ERP44: variants seen among roughly 807,000 people sequenced by gnomAD.
ERP44 encodes the protein endoplasmic reticulum protein 44.
Under a neutral mutation model 53.4 loss-of-function variants are expected in ERP44, and 25 were observed. The observed-to-expected ratio is 0.47, with a 90% CI of 0.34 to 0.65. The LOEUF (loss-of-function observed/expected upper bound fraction) is 0.65. Ranked by LOEUF, ERP44 falls within the 30% of genes least tolerant of loss-of-function variation. The probability of loss-of-function intolerance (pLI) is 0.01; values close to 1 mark genes in which losing one functional copy is unlikely to be tolerated. For missense variants in ERP44, 338 were observed against 493.2 expected (o/e 0.69, Z 2.98); for synonymous variants, 145 against 161.2 (o/e 0.90, Z 0.76).
At chr9:100,015,641 T>C (rs973547426) in intron 8 of ERP44, among the ~76,000 whole-genome samples, 4 of 152,214 alleles carry the variant, frequency 2.6e-5, no homozygotes, top group African/African-American at 9.6e-5. Context: ...ATTCATTGTA[T>C]AGAAATAATT....
At chr9:100,038,930 T>A in intron 4 of ERP44, among the ~76,000 whole-genome samples, 1 of 152,058 alleles carries the variant, frequency 6.6e-6, no homozygotes, top group Non-Finnish European at 1.5e-5. Context: ...GACAAATGGG[T>A]CAATTCAGCA....
intron 8 of ERP44, among the ~76,000 whole-genome samples, chr9:100,014,263 G>C (rs1830506397): frequency 6.6e-6 from 1 of 152,094 alleles, no homozygotes; most frequent in Non-Finnish European, 1.5e-5. Context: ...AGCTAAAATT[G>C]GTCTTTAGTT....
intron 1 of ERP44, among the ~76,000 whole-genome samples, chr9:100,074,209 T>C (rs1826333267): frequency 6.6e-6 from 1 of 151,790 alleles, no homozygotes; most frequent in Admixed American, 6.6e-5. Flanking sequence ...ATCACAGGAG[T>C]CCCCAAACCC....
At chr9:100,038,700 CTGGTGTAA>C (rs1280635184) in intron 4 of ERP44, among the ~76,000 whole-genome samples, 11 of 151,958 alleles carry the variant, frequency 7.2e-5, no homozygotes. Context: ...AAGACACAGA[CTGGTGTAA>C]TGGATTTAAA....
intron 4 of ERP44, among the ~76,000 whole-genome samples, chr9:100,037,186 C>G (rs1245022571): frequency 6.6e-6 from 1 of 152,162 alleles, no homozygotes; most frequent in East Asian, 1.9e-4. Flanking sequence ...AAGGAGAGCA[C>G]AGCAATTGTG....
At chr9:100,069,339 GAA>G (rs1826274287) in intron 1 of ERP44, among the ~76,000 whole-genome samples, 1 of 46,778 alleles carries the variant, frequency 2.1e-5, no homozygotes, top group Non-Finnish European at 5.0e-5. Flanking sequence ...AAAAAGAAAA[GAA>G]GCATTTATAT....
chr9:100,087,475 C>G (rs1357391829), intron 1 of ERP44, among the ~76,000 whole-genome samples: 1 of 152,210 alleles, frequency 6.6e-6, no homozygotes, highest in Non-Finnish European at 1.5e-5. Flanking sequence ...TTCATTCACT[C>G]AGTCCCTCAT....
chr9:99,987,040 T>C (rs1795253159), intron 10 of ERP44, among the ~76,000 whole-genome samples: 1 of 152,230 alleles, frequency 6.6e-6, no homozygotes. Flanking sequence ...AGTCAAGAAA[T>C]AATTTATGAT....
chr9:99,990,590 G>A (rs1830242992), intron 10 of ERP44, among the ~76,000 whole-genome samples: 1 of 152,184 alleles, frequency 6.6e-6, no homozygotes, highest in African/African-American at 2.4e-5. Flanking sequence ...TTGATGCTAG[G>A]AAGAAACTGC....
intron 10 of ERP44, among the ~76,000 whole-genome samples, chr9:100,003,688 G>T (rs112320236): frequency 2.8e-4 from 42 of 152,172 alleles, no homozygotes; most frequent in African/African-American, 9.6e-4. Context: ...CTGAAGCCTG[G>T]GTCCACTAGA....
intron 4 of ERP44, among the ~76,000 whole-genome samples, chr9:100,041,303 T>TA (rs76504492): frequency 5.2e-4 from 78 of 150,520 alleles, no homozygotes; most frequent in Middle Eastern, 3.5e-3. Flanking sequence ...TTTTTTGCCA[T>TA]AAAAAAAAAA....
At chr9:100,074,243 C>T (rs928575031) in intron 1 of ERP44, among the ~76,000 whole-genome samples, 4 of 152,148 alleles carry the variant, frequency 2.6e-5, no homozygotes, top group African/African-American at 4.8e-5. Flanking sequence ...AGTACTAGTC[C>T]GCAGTTTCAT....
intron 1 of ERP44, among the ~76,000 whole-genome samples, chr9:100,093,643 T>C (rs4743385): frequency 2.0e-5 from 3 of 150,586 alleles, no homozygotes; most frequent in South Asian, 2.1e-4. Flanking sequence ...ACCCTGTCTG[T>C]GGGGGGGGAA....
chr9:100,014,353 T>C (rs925271342), intron 8 of ERP44, among the ~76,000 whole-genome samples: 5 of 152,178 alleles, frequency 3.3e-5, no homozygotes, highest in Non-Finnish European at 4.4e-5. Context: ...TGGTGGATCC[T>C]GGCTCACTGC....
chr9:99,994,591 C>T (rs1232298104), intron 10 of ERP44, among the ~76,000 whole-genome samples: 2 of 152,028 alleles, frequency 1.3e-5, no homozygotes, highest in African/African-American at 2.4e-5. Context: ...ACATGGCATA[C>T]ATATACATAA....
At position 100,083,720 on chromosome 9, in the gene ERP44, A is replaced by G. The variant is rs1250388178; in HGVS notation, c.57+15064T>C. On this transcript the variant is annotated intron_variant, in intron 1 of 11. Transcript: ENST00000262455. ...TACCTTTTACACCCAGGACTAATGC[A>G]TCAAGAAAGTAACACTGCCCAAGGC... Among the ~76,000 whole-genome samples, 2 of 152,230 alleles carry G rather than the reference A, an allele frequency of 1.3e-5. 1 individual carries two copies. The highest frequency in any genetic ancestry group is 1.3e-4 in the Admixed American group (2 of 15,278).
chr9:100,051,858 T>G (rs908648640), intron 4 of ERP44, among the ~76,000 whole-genome samples: 2 of 152,188 alleles, frequency 1.3e-5, no homozygotes, highest in Non-Finnish European at 2.9e-5. Context: ...AGGTTGGATT[T>G]TAAGAGCCTA....
At chr9:100,054,428 A>T (rs1393233499) in intron 3 of ERP44, among the ~76,000 whole-genome samples, 1 of 152,164 alleles carries the variant, frequency 6.6e-6, no homozygotes, top group Admixed American at 6.5e-5. Context: ...CTTAAGGGCG[A>T]CGTAAAAAAA....
Position 99,981,629 on chromosome 9 carries a change from C to G in ERP44, c.*983G>C, listed in dbSNP as rs45598240. 9.5e-3 allele frequency: 1,458 copies of G among 152,704 alleles called. 14 individuals carry two copies. The highest frequency in any genetic ancestry group is 0.012 in the African/African-American group (478 of 41,542). The allele number at this position is 152,704 out of a possible 1,614,324, so 9.5% of individuals were successfully genotyped here. Reference sequence around the variant, plus strand: ...GACCCATCTTACTGTATGCTGCAGGCCTGGGGAAATCAGGGAATCTAGAGG... The same window carrying G: ...GACCCATCTTACTGTATGCTGCAGGGCTGGGGAAATCAGGGAATCTAGAGG... On this transcript the variant is annotated 3_prime_UTR_variant, in exon 12 of 12. Transcript: ENST00000262455.
Sources: allele counts gnomAD v4.1 joint callset (sites outside exome capture counted in the v4.1 genomes callset), GRCh38; gene constraint gnomAD v4.1.1; transcripts MANE v1.5; gene names NCBI Gene and HGNC (gene_info 2026-07-23, HGNC 2026-07-21).